The following ADARB2 variants were observed in gnomAD, a reference collection of about 807,000 sequenced individuals.
ADARB2 encodes the protein adenosine deaminase RNA specific B2 (inactive).
ADARB2 carries 25 observed loss-of-function variants against 62.2 expected under a neutral mutation model. That is an observed-to-expected ratio of 0.40 (90% CI 0.29 to 0.56). The LOEUF (loss-of-function observed/expected upper bound fraction) is 0.56, where lower values mean the gene tolerates loss of function less well. ADARB2 is among the 20% of genes least tolerant of loss of function. ADARB2 has a pLI of 0.43. For synonymous variants in ADARB2, 572 were observed against 500.8 expected (o/e 1.14, Z -1.90); for missense variants, 1,071 against 1,077.4 (o/e 0.99, Z 0.08).
intron 1 of ADARB2, among the ~76,000 whole-genome samples, chr10:1,470,005 C>T (rs148465599): frequency 1.2e-3 from 185 of 151,790 alleles, no homozygotes; most frequent in African/African-American, 4.1e-3. Context: ...CCTGGGAGCC[C>T]GGGTAGGCTG....
At chr10:1,448,081 A>G (rs527697385) in intron 1 of ADARB2, among the ~76,000 whole-genome samples, 1 of 152,354 alleles carries the variant, frequency 6.6e-6, no homozygotes, top group East Asian at 1.9e-4. Flanking sequence ...ACAGTATTAC[A>G]AACCTATAGG....
chr10:1,272,369 G>A (rs1392545575), intron 3 of ADARB2, among the ~76,000 whole-genome samples: 1 of 152,218 alleles, frequency 6.6e-6, no homozygotes, highest in Non-Finnish European at 1.5e-5. Flanking sequence ...CGCTAAGAAA[G>A]ATAGACAGTT....
intron 1 of ADARB2, among the ~76,000 whole-genome samples, chr10:1,666,445 A>G (rs529165707): frequency 6.6e-6 from 1 of 152,324 alleles, no homozygotes; most frequent in East Asian, 1.9e-4. Flanking sequence ...GCTTTGCTAC[A>G]AGACAGCTCA....
chr10:1,657,191 T>C (rs1335711791), intron 1 of ADARB2, among the ~76,000 whole-genome samples: 1 of 152,194 alleles, frequency 6.6e-6, no homozygotes, highest in Non-Finnish European at 1.5e-5. Context: ...GCCAATTTCT[T>C]CTGATCTAGA....
intron 1 of ADARB2, among the ~76,000 whole-genome samples, chr10:1,471,557 A>T (rs924581371): frequency 6.6e-6 from 1 of 151,398 alleles, no homozygotes; most frequent in Non-Finnish European, 1.5e-5. Flanking sequence ...TGCCTGGCTA[A>T]TTTTTTTGTA....
At chr10:1,490,310 TA>T (rs949955248) in intron 1 of ADARB2, among the ~76,000 whole-genome samples, 1 of 152,190 alleles carries the variant, frequency 6.6e-6, no homozygotes, top group Non-Finnish European at 1.5e-5. Context: ...AAATAATAAT[TA>T]AGAATAGTAG....
intron 1 of ADARB2, among the ~76,000 whole-genome samples, chr10:1,635,615 T>G (rs937871292): frequency 6.6e-6 from 1 of 152,162 alleles, no homozygotes; most frequent in Non-Finnish European, 1.5e-5. Flanking sequence ...CAGCCTCACG[T>G]TGGATTAGGT....
chr10:1,613,984 T>A (rs950509552), intron 1 of ADARB2, among the ~76,000 whole-genome samples: 2 of 152,246 alleles, frequency 1.3e-5, no homozygotes, highest in African/African-American at 4.8e-5. Context: ...ATAACTTTGT[T>A]TGACTTGGTT....
chr10:1,280,582 C>CGCTCCGTGAAATTCCTGAGTGAT (rs1564245264), intron 3 of ADARB2, among the ~76,000 whole-genome samples: 37 of 128,778 alleles, frequency 2.9e-4, no homozygotes, highest in African/African-American at 5.3e-4. Context: ...TCCTAAGTGA[C>CGCTCCGTGAAATTCCTGAGTGAT]GCTCCGTGAA....
intron 1 of ADARB2, among the ~76,000 whole-genome samples, chr10:1,517,866 G>A (rs967133415): frequency 1.3e-5 from 2 of 152,164 alleles, no homozygotes; most frequent in Non-Finnish European, 1.5e-5. Context: ...TAGGCACTCT[G>A]TGAGGAAAGG....
chr10:1,493,572 C>T (rs527943006), intron 1 of ADARB2, among the ~76,000 whole-genome samples: 2 of 152,128 alleles, frequency 1.3e-5, no homozygotes, highest in South Asian at 4.2e-4. Context: ...AACCTATTTC[C>T]TCAATTAATT....
chr10:1,687,117 C>T (rs1220439137), intron 1 of ADARB2, among the ~76,000 whole-genome samples: 3 of 151,388 alleles, frequency 2.0e-5, no homozygotes, highest in Admixed American at 6.6e-5. Context: ...ACCTCTGCCT[C>T]CTGGGTTCAA....
intron 1 of ADARB2, among the ~76,000 whole-genome samples, chr10:1,707,240 G>T (rs188450549): frequency 6.6e-6 from 1 of 152,212 alleles, no homozygotes; most frequent in South Asian, 2.1e-4. Flanking sequence ...GCCCATAGGC[G>T]CCTCCTTTCA....
intron 1 of ADARB2, among the ~76,000 whole-genome samples, chr10:1,573,522 A>G (rs539329755): frequency 6.6e-6 from 1 of 152,300 alleles, no homozygotes; most frequent in East Asian, 1.9e-4. Context: ...CCTCACTCTC[A>G]TTCCGTCCCC....
chr10:1,546,174 G>T (rs1336036334), intron 1 of ADARB2, among the ~76,000 whole-genome samples: 2 of 152,100 alleles, frequency 1.3e-5, no homozygotes, highest in African/African-American at 4.8e-5. Context: ...CCCACACATG[G>T]TTACATTTCT....
intron 3 of ADARB2, among the ~76,000 whole-genome samples, chr10:1,288,571 A>G (rs530695282): frequency 3.5e-4 from 54 of 152,348 alleles, no homozygotes; most frequent in African/African-American, 1.3e-3. Flanking sequence ...AGGCCCCACA[A>G]TGCGTGCTGC....
chr10:1,344,739 C>T (rs1282400340), intron 3 of ADARB2, among the ~76,000 whole-genome samples: 5 of 152,224 alleles, frequency 3.3e-5, no homozygotes, highest in African/African-American at 4.8e-5. Context: ...ACGGGCACGG[C>T]GAGGCACTCT....
At chr10:1,412,693 C>A (rs1426726693) in intron 1 of ADARB2, among the ~76,000 whole-genome samples, 1 of 152,096 alleles carries the variant, frequency 6.6e-6, no homozygotes, top group Non-Finnish European at 1.5e-5. Flanking sequence ...TTGTGGTTGC[C>A]AGGTGCATCC....
At chr10:1,532,165 C>T (rs767034582) in intron 1 of ADARB2, among the ~76,000 whole-genome samples, 8 of 152,108 alleles carry the variant, frequency 5.3e-5, no homozygotes, top group East Asian at 1.9e-4. Flanking sequence ...TGAAGACAGA[C>T]GGTTCTGTGA....
Sources: allele counts gnomAD v4.1 joint callset (sites outside exome capture counted in the v4.1 genomes callset), GRCh38; gene constraint gnomAD v4.1.1; transcripts MANE v1.5; gene names NCBI Gene and HGNC (gene_info 2026-07-23, HGNC 2026-07-21).